The following PREX1 variants were observed in gnomAD, a reference collection of about 807,000 sequenced individuals.
PREX1 encodes the protein phosphatidylinositol 3,4,5-trisphosphate-dependent Rac exchanger 1 protein.
PREX1 carries 41 observed loss-of-function variants against 198.3 expected under a neutral mutation model. The ratio of observed to expected loss-of-function variants is 0.21; its 90% confidence interval spans 0.16 to 0.27. The LOEUF (loss-of-function observed/expected upper bound fraction) is 0.27, where lower values mean the gene tolerates loss of function less well. Among genes scored for constraint, PREX1 ranks in the 10% least tolerant of loss-of-function variants. PREX1 has a pLI of 1.00. For missense variants in PREX1, 1,620 were observed against 2,200.7 expected (o/e 0.74, Z 5.28); for synonymous variants, 843 against 887.2 (o/e 0.95, Z 0.89).
the PREX1 span, among the ~76,000 whole-genome samples, chr20:48,880,981 TAAAAA>T: frequency 0.045 from 949 of 20,886 alleles, 5 homozygotes; most frequent in Non-Finnish European, 0.061. Context: ...AAACCATTGC[TAAAAA>T]AAAAAAAAAA....
At chr20:48,879,871 G>C in the PREX1 span, among the ~76,000 whole-genome samples, 2 of 152,158 alleles carry the variant, frequency 1.3e-5, no homozygotes, top group Non-Finnish European at 2.9e-5. Flanking sequence ...GGTCATATTT[G>C]TCATTCCTAG....
At chr20:48,635,813 G>A (rs943452822) in intron 32 of PREX1, among the ~76,000 whole-genome samples, 1 of 152,206 alleles carries the variant, frequency 6.6e-6, no homozygotes, top group Middle Eastern at 3.2e-3. Context: ...CGTGGTGTTT[G>A]GAGAATGAAG....
chr20:48,664,137 A>G (rs908726215), intron 15 of PREX1, among the ~76,000 whole-genome samples: 10 of 152,190 alleles, frequency 6.6e-5, no homozygotes, highest in African/African-American at 2.4e-4. Context: ...CACTTTGGGA[A>G]GCCAAGGCGG....
chr20:48,662,814 C>A (rs1031205484), intron 15 of PREX1, among the ~76,000 whole-genome samples: 1 of 152,312 alleles, frequency 6.6e-6, no homozygotes, highest in Non-Finnish European at 1.5e-5. Flanking sequence ...TCACGCCCTG[C>A]AATTTCTCTC....
intron 5 of PREX1, among the ~76,000 whole-genome samples, chr20:48,713,857 TAAAAA>T (rs71337452): frequency 3.7e-5 from 3 of 81,738 alleles, no homozygotes; most frequent in African/African-American, 1.7e-4. Flanking sequence ...CCCAGAACTA[TAAAAA>T]AAAAAAAAAA....
chr20:48,710,469 G>A (rs2089925294), intron 5 of PREX1, among the ~76,000 whole-genome samples: 1 of 152,146 alleles, frequency 6.6e-6, no homozygotes, highest in Non-Finnish European at 1.5e-5. Flanking sequence ...TGATCCTCAT[G>A]TCAACTCTCT....
At chr20:48,671,752 G>A (rs73144096) in intron 14 of PREX1, among the ~76,000 whole-genome samples, 23,898 of 152,004 alleles carry the variant, frequency 0.16, 2,210 homozygotes, top group Middle Eastern at 0.3. Flanking sequence ...AAAGACCCAC[G>A]CGGGCACACC....
In PREX1 at chr20:48,636,561, C is replaced by T. The variant is rs1196517765; in HGVS notation, c.4069G>A (p.Glu1357Lys). 4 of 1,611,590 alleles carry T rather than the reference C, an allele frequency of 2.5e-6. No individual in the cohort carries two copies. The highest frequency in any genetic ancestry group is 1.3e-5 in the African/African-American group (1 of 74,916). ...GYRYNNNGEY[E>K]ESSRDASRKW... ...CGGCTGGCGTCGCGGCTGCTCTCCT[C>T]GTACTCGCCATTGTTGTTGTAGCGG... Residue 1357 changes from glutamate to lysine, a missense_variant, in exon 32 of 40, where the codon GAG becomes AAG. By Grantham distance (56) the Glu-to-Lys change is moderately conservative (BLOSUM62 1). Transcript: ENST00000371941.
intron 7 of PREX1, among the ~76,000 whole-genome samples, chr20:48,698,450 G>A (rs935753835): frequency 1.3e-5 from 2 of 152,102 alleles, no homozygotes; most frequent in Admixed American, 6.5e-5. Context: ...GGCTCAGGGT[G>A]GACATTGGCA....
chr20:48,789,299 G>A (rs577966743), intron 1 of PREX1, among the ~76,000 whole-genome samples: 6 of 152,198 alleles, frequency 3.9e-5, no homozygotes, highest in Admixed American at 6.5e-5. Context: ...CCTTCATCAC[G>A]GGACAACCTG....
chr20:48,684,127 T>A lies in PREX1; in HGVS notation c.1335-2792A>T, dbSNP rs1187240678. Among the ~76,000 whole-genome samples the A allele has an allele frequency of 7.0e-6, 1 of 143,662 alleles. No individual in the cohort carries two copies. The highest frequency in any genetic ancestry group is 2.4e-5 in the African/African-American group (1 of 40,828). The allele number at this position is 143,662 out of a possible 152,430, so 94.2% of individuals were successfully genotyped here. On this transcript the variant is annotated intron_variant, in intron 10 of 39. Coordinates refer to ENST00000371941, the MANE Select transcript of PREX1 (RefSeq NM_020820.4). This position sits in a 1 kb window ranked among gnomAD's most constrained non-coding sequence, Gnocchi z 4.2. Reference sequence around the variant, plus strand: ...AGGATGTGTCAGCTTTCATCCCTCCTTCCTTCCCGCCTCCTAGAATCATTC... The same window carrying A: ...AGGATGTGTCAGCTTTCATCCCTCCATCCTTCCCGCCTCCTAGAATCATTC...
At chr20:48,747,926 C>T in intron 1 of PREX1, 46 bp from the exon 2 acceptor site, 1 of 1,539,004 alleles carries the variant, frequency 6.5e-7, no homozygotes, top group Non-Finnish European at 8.9e-7. Context: ...GTCTCCAGCT[C>T]TCCCATGGAC....
chr20:48,858,881 T>TTTTTA, the PREX1 span, among the ~76,000 whole-genome samples: 3 of 152,130 alleles, frequency 2.0e-5, no homozygotes, highest in African/African-American at 4.8e-5. Context: ...CTTTATTTTA[T>TTTTTA]TTTTATTTTA....
At chr20:48,789,158 G>A (rs993298522) in intron 1 of PREX1, among the ~76,000 whole-genome samples, 4 of 152,146 alleles carry the variant, frequency 2.6e-5, no homozygotes, top group Admixed American at 6.5e-5. Context: ...TTCAAAGTTC[G>A]GCCATGTCTA....
At position 48,632,988 on chromosome 20, in the gene PREX1, C is replaced by T. The variant is rs756554052; in HGVS notation, c.4268-349G>A. On this transcript the variant is annotated intron_variant, in intron 33 of 39. Coordinates refer to ENST00000371941, the MANE Select transcript of PREX1 (RefSeq NM_020820.4). The stretch of plus-strand genomic sequence containing the variant: ...GCATTTGGGGTCAGAGCTTCCCCAG[C>T]GCTCCTTGTACCCTCACCCGGTAGC... Among the ~76,000 whole-genome samples the T allele has an allele frequency of 3.3e-5, 5 of 152,342 alleles. No homozygotes were observed. In the East Asian group the frequency reaches 9.6e-4, roughly 29 times the overall value.
At chr20:48,707,850 T>A (rs1315173998) in intron 6 of PREX1, among the ~76,000 whole-genome samples, 1 of 152,104 alleles carries the variant, frequency 6.6e-6, no homozygotes, top group Non-Finnish European at 1.5e-5. Flanking sequence ...TTGCCTAAAG[T>A]CACCCAGCAA....
At chr20:48,850,731 C>T in the PREX1 span, among the ~76,000 whole-genome samples, 6 of 152,142 alleles carry the variant, frequency 3.9e-5, no homozygotes, top group African/African-American at 1.2e-4. Flanking sequence ...GCCAAGAGCC[C>T]GGCATTTTGA....
At chr20:48,819,475 C>T (rs1389211000) in intron 1 of PREX1, among the ~76,000 whole-genome samples, 1 of 152,216 alleles carries the variant, frequency 6.6e-6, no homozygotes, top group African/African-American at 2.4e-5. Context: ...AAAGTAGATG[C>T]GACCATCCCT....
the PREX1 span, among the ~76,000 whole-genome samples, chr20:48,886,548 C>G: frequency 2.0e-5 from 3 of 152,222 alleles, no homozygotes; most frequent in Non-Finnish European, 4.4e-5. Context: ...GAAGCCTGAT[C>G]TCCCCAGGCC....
Sources: gnomAD v4.1 joint callset for allele counts (sites outside exome capture counted in the v4.1 genomes callset) on GRCh38, gnomAD v4.1.1 for gene constraint, Gnocchi (gnomAD v3.1) non-coding constraint, MANE v1.5 for transcripts, NCBI Gene and HGNC (gene_info 2026-07-23, HGNC 2026-07-21) for gene names.